The following SATB1 variants were observed in gnomAD, a reference collection of about 807,000 sequenced individuals.
SATB1 encodes DNA-binding protein SATB1.
In SATB1, 11 loss-of-function variants were observed where a neutral mutation model predicts 86.9. The ratio of observed to expected loss-of-function variants is 0.13; its 90% CI spans 0.08 to 0.21. SATB1 has a LOEUF of 0.21. Ranked by LOEUF, SATB1 falls within the 10% of genes least tolerant of loss-of-function variation. SATB1 has a pLI of 1.00. For missense variants in SATB1, 551 were observed against 937.6 expected (o/e 0.59, Z 5.39); for synonymous variants, 357 against 357.2 (o/e 1.00, Z 0.01).
At chr3:18,377,098 A>T (rs963803677) in intron 9 of SATB1, among the ~76,000 whole-genome samples, 1 of 152,214 alleles carries the variant, frequency 6.6e-6, no homozygotes, top group Non-Finnish European at 1.5e-5. Context: ...GTCAAGTAAC[A>T]CTATAAATGT....
rs1302728729 is a variant in SATB1 at position 18,444,072 on chromosome 3, C to T, written c.-25+1446G>A. Among the ~76,000 whole-genome samples the T allele has an allele frequency of 6.6e-6, 1 of 152,056 alleles. No individual in the cohort carries two copies. The highest frequency in any genetic ancestry group is 2.4e-5 in the African/African-American group (1 of 41,408). On this transcript the variant is annotated intron_variant, in intron 1 of 3. Transcript: ENST00000415069. This position sits in a 1 kb window ranked among gnomAD's most constrained non-coding sequence, Gnocchi z 5.1. ...TACAATCAGCCGCGCAGGCAGGGAG[C>T]GGAGGGAGGCGGAGATGGACCGGGA... is the stretch of plus-strand genomic sequence containing the variant.
upstream of SATB1, among the ~76,000 whole-genome samples, chr3:18,429,867 C>T (rs1032744156): frequency 6.6e-6 from 1 of 152,122 alleles, no homozygotes; most frequent in Non-Finnish European, 1.5e-5. This position sits in a 1 kb window ranked among gnomAD's most constrained non-coding sequence, Gnocchi z 4.1. Context: ...GTGTCTTGCT[C>T]ACTGCCATAT....
At chr3:18,359,358 G>A (rs953881580) in intron 9 of SATB1, among the ~76,000 whole-genome samples, 1 of 151,812 alleles carries the variant, frequency 6.6e-6, no homozygotes, top group Non-Finnish European at 1.5e-5. Flanking sequence ...TTTTCAGAGG[G>A]AGAATTTGAG....
upstream of SATB1, among the ~76,000 whole-genome samples, chr3:18,425,982 G>A (rs1698684859): frequency 2.0e-5 from 3 of 152,200 alleles, no homozygotes; most frequent in Admixed American, 2.0e-4. Context: ...AGGCGAGGTG[G>A]GGGGACAGGG....
chr3:18,401,398 T>A (rs761355917), intron 5 of SATB1, among the ~76,000 whole-genome samples: 10 of 152,092 alleles, frequency 6.6e-5, no homozygotes, highest in Admixed American at 2.0e-4. Context: ...AGAGATCCCT[T>A]CCCAGGTTTT....
intron 2 of SATB1, among the ~76,000 whole-genome samples, chr3:18,434,695 A>G (rs1210667490): frequency 6.6e-6 from 1 of 152,064 alleles, no homozygotes; most frequent in Non-Finnish European, 1.5e-5. Flanking sequence ...TTCCGTATCT[A>G]TAAAATGAAT....
intron 2 of SATB1, among the ~76,000 whole-genome samples, chr3:18,433,476 T>G (rs1387577440): frequency 6.6e-6 from 1 of 152,144 alleles, no homozygotes; most frequent in Non-Finnish European, 1.5e-5. Context: ...CATATAATAA[T>G]TTGAAATATC....
chr3:18,361,033 C>A (rs1237733312), intron 9 of SATB1, among the ~76,000 whole-genome samples: 1 of 151,970 alleles, frequency 6.6e-6, no homozygotes, highest in Non-Finnish European at 1.5e-5. Flanking sequence ...AATAACAGAA[C>A]AAGATGAATT....
At chr3:18,400,554 T>C (rs752791102) in intron 5 of SATB1, among the ~76,000 whole-genome samples, 3 of 152,188 alleles carry the variant, frequency 2.0e-5, no homozygotes, top group Non-Finnish European at 2.9e-5. Context: ...AATTCTACTA[T>C]GTGCCAAGCA....
chr3:18,358,262 C>T lies in SATB1; in HGVS notation c.1576-6067G>A, dbSNP rs537624120. ...ATCCCATCATGTCCTGTAATAAAAA[C>T]ACTTGTCTTAAGATATTGTTCTTTA... On this transcript the variant is annotated intron_variant, in intron 9 of 10. Transcript: ENST00000338745. 2.0e-5 allele frequency among the ~76,000 whole-genome samples: 3 copies of T among 152,056 alleles called. No individual in the cohort carries two copies. In the South Asian group the frequency reaches 6.2e-4, roughly 32 times the overall value.
intron 10 of SATB1, chr3:18,351,041 A>G (rs1694331298): frequency 1.1e-5 from 5 of 437,332 alleles, no homozygotes; most frequent in Non-Finnish European, 2.1e-5. Context: ...CACGCTTTCT[A>G]AGCAACTGGG....
chr3:18,434,460 G>C (rs555794720), intron 2 of SATB1, among the ~76,000 whole-genome samples: 1 of 151,952 alleles, frequency 6.6e-6, no homozygotes, highest in African/African-American at 2.4e-5. Context: ...TGTTATACAA[G>C]AGAGTATTCC....
chr3:18,428,023 G>A (rs186490154), upstream of SATB1, among the ~76,000 whole-genome samples: 1 of 152,266 alleles, frequency 6.6e-6, no homozygotes, highest in African/African-American at 2.4e-5. Flanking sequence ...TGTAAAGCCA[G>A]ATAAAAATAA....
At chr3:18,423,050 C>T (rs1317147353) in intron 1 of SATB1, among the ~76,000 whole-genome samples, 1 of 152,188 alleles carries the variant, frequency 6.6e-6, no homozygotes, top group African/African-American at 2.4e-5. Context: ...CCAATTTACT[C>T]ATTTTAACTC....
chr3:18,422,027 T>A (rs986889063), intron 1 of SATB1, among the ~76,000 whole-genome samples: 3 of 152,136 alleles, frequency 2.0e-5, no homozygotes, highest in Non-Finnish European at 1.5e-5. Flanking sequence ...GTAAAGTGAT[T>A]AGACAATATC....
chr3:18,423,185 TCTTTTGAGTTA>T (rs915245207), intron 1 of SATB1, among the ~76,000 whole-genome samples: 7 of 152,162 alleles, frequency 4.6e-5, no homozygotes, highest in Admixed American at 3.3e-4. Flanking sequence ...CTGAAGAGTT[TCTTTTGAGTTA>T]CACGTTACAA....
chr3:18,371,073 T>C (rs749177258), intron 9 of SATB1, among the ~76,000 whole-genome samples: 2 of 152,126 alleles, frequency 1.3e-5, no homozygotes, highest in Non-Finnish European at 2.9e-5. Flanking sequence ...ATTTACGAAA[T>C]CAGAGGCACT....
At chr3:18,375,184 A>T (rs9851668) in intron 9 of SATB1, among the ~76,000 whole-genome samples, 4,531 of 152,262 alleles carry the variant, frequency 0.03, 233 homozygotes, top group African/African-American at 0.1. Flanking sequence ...AGATCAGGGT[A>T]GTACTTCAGT....
chr3:18,411,051 G>A, intron 5 of SATB1: 1 of 393,676 alleles, frequency 2.5e-6, no homozygotes, highest in East Asian at 3.6e-5. Flanking sequence ...GAGATCTCAG[G>A]ATGCTGTGAA....
Sources: allele counts gnomAD v4.1 joint callset (sites outside exome capture counted in the v4.1 genomes callset), GRCh38; gene constraint gnomAD v4.1.1; non-coding constraint Gnocchi (gnomAD v3.1); transcripts MANE v1.5; gene names NCBI Gene and HGNC (gene_info 2026-07-23, HGNC 2026-07-21).